The following THSD1 variants were observed in gnomAD, a reference collection of about 807,000 sequenced individuals.
The protein encoded by THSD1 is thrombospondin type-1 domain-containing protein 1.
Under a neutral mutation model 46.3 loss-of-function variants are expected in THSD1, and 34 were observed. The observed-to-expected ratio is 0.74, with a 90% CI of 0.56 to 0.98. The LOEUF is 0.98. Among genes scored for constraint, THSD1 ranks in the 50% least tolerant of loss-of-function variants. The pLI, the probability that THSD1 is intolerant of heterozygous loss-of-function variation, is 0.00. For synonymous variants in THSD1, 407 were observed against 416.5 expected (o/e 0.98, Z 0.28); for missense variants, 1,023 against 1,058.3 (o/e 0.97, Z 0.46).
Position 52,402,665 on chromosome 13 carries a change from T to C in THSD1, c.-65A>G. 1 of 1,595,680 alleles carries C rather than the reference T, an allele frequency of 6.3e-7. No homozygotes were observed. Among genetic ancestry groups the C allele is most frequent in the Non-Finnish European group, 8.5e-7 (1 of 1,169,652 alleles). On this transcript the variant is annotated 5_prime_UTR_variant, in exon 2 of 5. Transcript: ENST00000258613. ...CCTTTCTCACGTCCAGATTGTGATT[T>C]TTTTCCCCAAAAACACCTGAAATTA...
chr13:52,379,617 G>C (rs985227970), intron 4 of THSD1, among the ~76,000 whole-genome samples: 1 of 152,040 alleles, frequency 6.6e-6, no homozygotes, highest in Non-Finnish European at 1.5e-5. Flanking sequence ...TGGAACTATA[G>C]GCGCATGCCA....
chr13:52,390,451 T>C (rs1957765362), intron 3 of THSD1, among the ~76,000 whole-genome samples: 1 of 152,214 alleles, frequency 6.6e-6, no homozygotes, highest in Admixed American at 6.5e-5. Flanking sequence ...ACCAGTATCC[T>C]GGACCAACAT....
chr13:52,384,073 C>T, intron 4 of THSD1: 2 of 330,668 alleles, frequency 6.0e-6, no homozygotes, highest in Non-Finnish European at 5.8e-6. Flanking sequence ...CGTGGTGGCA[C>T]ATGCCAGAGG....
At position 52,402,882 on chromosome 13, in the gene THSD1, A is replaced by T. The variant is rs550766899; in HGVS notation, c.-81-201T>A. Reference sequence around the variant, plus strand: ...TTCCATTATAACTCACAGGTCAAGAATATGCAGGTATGCCCAACACCCACT... The same window carrying T: ...TTCCATTATAACTCACAGGTCAAGATTATGCAGGTATGCCCAACACCCACT... On this transcript the variant is annotated intron_variant, in intron 1 of 4. Coordinates refer to ENST00000258613, the MANE Select transcript of THSD1 (RefSeq NM_018676.4). The T allele has an allele frequency of 3.0e-6, 3 of 985,328 alleles. No individual in the cohort carries two copies. The East Asian group carries it at 3.4e-4, about 112-fold the overall frequency. 61.0% of individuals were successfully genotyped at this position (985,328 alleles called of 1,614,324 possible).
At chr13:52,401,474 T>C (rs957899382) in intron 2 of THSD1, among the ~76,000 whole-genome samples, 1 of 151,784 alleles carries the variant, frequency 6.6e-6, no homozygotes, top group African/African-American at 2.4e-5. Flanking sequence ...AATTTTTTTG[T>C]ATTTTTAGTA....
chr13:52,405,753 T>C (rs1251518483), intron 1 of THSD1, among the ~76,000 whole-genome samples: 1 of 152,170 alleles, frequency 6.6e-6, no homozygotes, highest in East Asian at 1.9e-4. Context: ...AAGACGCGAT[T>C]TTTCAAGGTT....
intron 3 of THSD1, among the ~76,000 whole-genome samples, chr13:52,388,978 T>TTA (rs202098423): frequency 6.6e-6 from 1 of 151,800 alleles, no homozygotes; most frequent in African/African-American, 2.4e-5. Context: ...TTTTTTTTTT[T>TTA]TGAGACAGAT....
Position 52,397,219 on chromosome 13 carries a change from T to A in THSD1, c.1021+13A>T. On this transcript the variant is annotated intron_variant, in intron 3 of 4. Transcript: ENST00000258613. ...GATTTGATTTAAAATGTTAAAAAAATCTCAATACAAACCTGTATTTCTCTG... is the reference window on the plus strand; with the variant it reads ...GATTTGATTTAAAATGTTAAAAAAAACTCAATACAAACCTGTATTTCTCTG... 4.6e-6 allele frequency: 7 copies of A among 1,526,628 alleles called. No homozygotes were observed. The highest frequency in any genetic ancestry group is 6.2e-6 in the Non-Finnish European group (7 of 1,138,118). 94.6% of individuals were successfully genotyped at this position (1,526,628 alleles called of 1,614,324 possible).
intron 4 of THSD1, 143 bp from the exon 5 acceptor site, chr13:52,378,932 G>A (rs1446919505): frequency 3.7e-5 from 35 of 937,022 alleles, no homozygotes; most frequent in African/African-American, 1.9e-4. Flanking sequence ...GTGTGATCTC[G>A]GCTCATTGCA....
intron 3 of THSD1, among the ~76,000 whole-genome samples, chr13:52,394,094 C>T (rs886749646): frequency 5.3e-5 from 8 of 152,172 alleles, no homozygotes; most frequent in South Asian, 2.1e-4. Flanking sequence ...TCCCGTTCTG[C>T]CCTTTTCCAG....
intron 3 of THSD1, among the ~76,000 whole-genome samples, chr13:52,386,827 AC>A (rs1317529229): frequency 1.3e-5 from 2 of 152,132 alleles, no homozygotes; most frequent in Non-Finnish European, 2.9e-5. Flanking sequence ...AAGGCCTCAA[AC>A]CCTATTATCC....
intron 3 of THSD1, among the ~76,000 whole-genome samples, chr13:52,393,623 A>G (rs894204907): frequency 6.6e-6 from 1 of 152,206 alleles, no homozygotes; most frequent in African/African-American, 2.4e-5. Context: ...GCACCACTGC[A>G]CTACATCCTG....
chr13:52,402,963 G>C, intron 1 of THSD1: 6 of 985,228 alleles, frequency 6.1e-6, no homozygotes, highest in Non-Finnish European at 6.0e-6. Flanking sequence ...ATCCTGACGT[G>C]GAGAGTTTAT....
At chr13:52,400,777 T>C (rs1182651905) in intron 2 of THSD1, among the ~76,000 whole-genome samples, 1 of 152,212 alleles carries the variant, frequency 6.6e-6, no homozygotes, top group African/African-American at 2.4e-5. Context: ...TCAACCTCTA[T>C]GCTCTTTTTT....
In THSD1 at chr13:52,397,216, A is replaced by G; in HGVS notation, c.1021+16T>C. On this transcript the variant is annotated intron_variant, in intron 3 of 4. Transcript: ENST00000258613. ...AAGGATTTGATTTAAAATGTTAAAA[A>G]AATCTCAATACAAACCTGTATTTCT... 1 of 1,525,170 alleles carries G rather than the reference A, an allele frequency of 6.6e-7. No individual in the cohort carries two copies. 94.5% of individuals were successfully genotyped at this position (1,525,170 alleles called of 1,614,324 possible).
At chr13:52,384,064 G>A (rs544335727) in intron 4 of THSD1, 10 of 325,140 alleles carry the variant, frequency 3.1e-5, no homozygotes, top group South Asian at 5.3e-5. Flanking sequence ...TTAGCTGGGC[G>A]TGGTGGCACA....
intron 1 of THSD1, among the ~76,000 whole-genome samples, chr13:52,403,542 C>T (rs570882730): frequency 2.6e-5 from 4 of 152,270 alleles, no homozygotes; most frequent in South Asian, 4.2e-4. Context: ...AGTACAGTGG[C>T]GAGATCTCGG....
chr13:52,388,554 C>G (rs915579742), intron 3 of THSD1, among the ~76,000 whole-genome samples: 5 of 152,188 alleles, frequency 3.3e-5, no homozygotes, highest in Non-Finnish European at 7.3e-5. Context: ...TCTCAGCTCA[C>G]CGCAACCTCC....
intron 4 of THSD1, among the ~76,000 whole-genome samples, chr13:52,383,059 A>C (rs1234906649): frequency 1.3e-5 from 2 of 151,354 alleles, no homozygotes; most frequent in African/African-American, 4.9e-5. Flanking sequence ...TTGGATTGTC[A>C]CTCCTGAAAG....
Sources: gnomAD v4.1 joint callset for allele counts (sites outside exome capture counted in the v4.1 genomes callset) on GRCh38, gnomAD v4.1.1 for gene constraint, MANE v1.5 for transcripts, NCBI Gene and HGNC (gene_info 2026-07-23, HGNC 2026-07-21) for gene names.